FAM131B: variants seen among roughly 807,000 people sequenced by gnomAD.
FAM131B encodes protein FAM131B.
In FAM131B, 19 loss-of-function variants were observed where a neutral mutation model predicts 42.0. The ratio of observed to expected loss-of-function variants is 0.45; its 90% CI spans 0.32 to 0.66. The LOEUF is 0.66. FAM131B is among the 30% of genes least tolerant of loss of function. FAM131B has a pLI of 0.05. For synonymous variants in FAM131B, 183 were observed against 177.6 expected (o/e 1.03, Z -0.24); for missense variants, 370 against 468.4 (o/e 0.79, Z 1.94).
the FAM131B span, among the ~76,000 whole-genome samples, chr7:143,376,262 T>A: frequency 2.0e-5 from 3 of 151,870 alleles, no homozygotes; most frequent in Admixed American, 6.6e-5. Flanking sequence ...GATTAGAAAA[T>A]TTTTTTTTCT....
rs1803619724 is a variant in FAM131B, at chr7:143,355,700, C to T, written c.*850G>A. On this transcript the variant is annotated 3_prime_UTR_variant, in exon 7 of 7. Coordinates refer to ENST00000443739, the MANE Select transcript of FAM131B (RefSeq NM_001031690.3). The surrounding 1 kb of genome is among the most constrained non-coding windows in gnomAD (Gnocchi z 4.1). ...TGGGTGTCCCCACACCCTCCTCAGG[C>T]TCCCGGAGCAGGGATGGAAGAAAGC... 1 of 152,712 alleles carries T rather than the reference C, an allele frequency of 6.5e-6. No individual in the cohort carries two copies. The highest frequency in any genetic ancestry group is 2.4e-5 in the African/African-American group (1 of 41,468). The allele number at this position is 152,712 out of a possible 1,614,324, so 9.5% of individuals were successfully genotyped here. A position where few individuals can be genotyped will look rare whatever the true frequency, so the allele number is the denominator to read the frequency against.
the FAM131B span, chr7:143,380,363 C>A: frequency 1.0e-6 from 1 of 985,126 alleles, no homozygotes; most frequent in East Asian, 1.1e-4. The surrounding 1 kb of genome is among the most constrained non-coding windows in gnomAD (Gnocchi z 5.0). Context: ...TCTCAGAATG[C>A]CCAAGAGCTC....
chr7:143,360,410 G>GT (rs1470908347), intron 1 of FAM131B: 1 of 1,329,976 alleles, frequency 7.5e-7, no homozygotes, highest in East Asian at 3.3e-5. Flanking sequence ...CAGAGGTTGG[G>GT]TTTTATCAGA....
the FAM131B span, among the ~76,000 whole-genome samples, chr7:143,369,364 G>C: frequency 6.6e-6 from 1 of 152,206 alleles, no homozygotes; most frequent in South Asian, 2.1e-4. Context: ...TCAACTTCTT[G>C]CAGATAAAAC....
upstream of FAM131B, among the ~76,000 whole-genome samples, chr7:143,364,753 A>C (rs756634788): frequency 6.6e-6 from 1 of 152,212 alleles, no homozygotes; most frequent in Non-Finnish European, 1.5e-5. Flanking sequence ...GGATTCTGCT[A>C]CTTCTCACTA....
At chr7:143,378,744 T>C in the FAM131B span, among the ~76,000 whole-genome samples, 1 of 152,128 alleles carries the variant, frequency 6.6e-6, no homozygotes, top group East Asian at 1.9e-4. Flanking sequence ...ACCAGGCTAA[T>C]TTTTGTATTT....
Position 143,354,295 on chromosome 7 carries a change from G to A in FAM131B, c.*2255C>T, listed in dbSNP as rs1803558381. The A allele has an allele frequency of 6.6e-6, 1 of 152,216 alleles. No homozygotes were observed. The highest frequency in any genetic ancestry group is 6.5e-5 in the Admixed American group (1 of 15,280). 9.4% of individuals were successfully genotyped at this position (152,216 alleles called of 1,614,324 possible). ...GTCAGGGACCATTTGGCTTCCTTGG[G>A]AAAGGGAAGGAGGAACGAAAGCTGC... is the stretch of plus-strand genomic sequence containing the variant. On this transcript the variant is annotated 3_prime_UTR_variant, in exon 7 of 7. Transcript: ENST00000443739.
chr7:143,380,864 G>A, the FAM131B span: 3 of 829,500 alleles, frequency 3.6e-6, no homozygotes, highest in Non-Finnish European at 4.4e-6. This position sits in a 1 kb window ranked among gnomAD's most constrained non-coding sequence, Gnocchi z 5.0. Context: ...GTGGTGGCAG[G>A]AGGGGACCGG....
At chr7:143,380,301 G>C in the FAM131B span, 2 of 985,002 alleles carry the variant, frequency 2.0e-6, no homozygotes, top group African/African-American at 3.5e-5. This position sits in a 1 kb window ranked among gnomAD's most constrained non-coding sequence, Gnocchi z 5.0. Flanking sequence ...CTGGGGCTGA[G>C]TCGCAGGCTG....
Position 143,362,056 on chromosome 7 carries a change from A to C in FAM131B, c.28+520T>G. The C allele has an allele frequency of 1.0e-6, 1 of 984,984 alleles. No homozygotes were observed. The highest frequency in any genetic ancestry group is 4.7e-5 in the South Asian group (1 of 21,286). 61.0% of individuals were successfully genotyped at this position (984,984 alleles called of 1,614,324 possible). ...CGGAGGAGGCAGGAACGACAGTAAA[A>C]GGCAACGGAGAGGGAGAGAGAGATG... On this transcript the variant is annotated intron_variant, in intron 1 of 6. Coordinates refer to ENST00000443739, the MANE Select transcript of FAM131B (RefSeq NM_001031690.3). This position sits in a 1 kb window ranked among gnomAD's most constrained non-coding sequence, Gnocchi z 7.7.
At chr7:143,366,795 C>G (rs576631083), upstream of FAM131B, among the ~76,000 whole-genome samples, 6 of 152,218 alleles carry the variant, frequency 3.9e-5, no homozygotes, top group African/African-American at 1.2e-4. Flanking sequence ...TGACCTCAGG[C>G]GATCTGCCCG....
At chr7:143,366,818 A>G (rs547496054), upstream of FAM131B, among the ~76,000 whole-genome samples, 2 of 152,276 alleles carry the variant, frequency 1.3e-5, no homozygotes, top group African/African-American at 4.8e-5. Context: ...TTGGCCTCCC[A>G]AAGTACTGGG....
the FAM131B span, among the ~76,000 whole-genome samples, chr7:143,367,842 C>G: frequency 6.6e-6 from 1 of 152,214 alleles, no homozygotes; most frequent in Non-Finnish European, 1.5e-5. Flanking sequence ...AAATCACGTT[C>G]TGTAGGATTC....
At chr7:143,381,433 C>T in the FAM131B span, 11 of 1,265,928 alleles carry the variant, frequency 8.7e-6, no homozygotes, top group African/African-American at 1.6e-5. Flanking sequence ...AGCGGCAGGG[C>T]GGCCCCACGG....
chr7:143,381,347 A>G, the FAM131B span: 1 of 1,145,434 alleles, frequency 8.7e-7, no homozygotes, highest in Non-Finnish European at 1.1e-6. Flanking sequence ...ACCGGGACGC[A>G]GAGTCTGCGG....
rs375834606 is a variant in FAM131B at position 143,362,399 on chromosome 7, A to G, written c.28+177T>C. 1.3e-5 allele frequency among the ~76,000 whole-genome samples: 2 copies of G among 151,610 alleles called. No individual in the cohort carries two copies. Among genetic ancestry groups the G allele is most frequent in the East Asian group, 3.9e-4 (2 of 5,084 alleles). ...GGCAGCCCCGGAGGCGCAAGACGAGAGCGGGCAGGAAGGAGGGACAGAGGG... is the reference window on the plus strand; with the variant it reads ...GGCAGCCCCGGAGGCGCAAGACGAGGGCGGGCAGGAAGGAGGGACAGAGGG... On this transcript the variant is annotated intron_variant, in intron 1 of 6. Coordinates refer to ENST00000443739, the MANE Select transcript of FAM131B (RefSeq NM_001031690.3). This position sits in a 1 kb window ranked among gnomAD's most constrained non-coding sequence, Gnocchi z 7.7.
chr7:143,379,893 G>A, the FAM131B span: 1 of 212,676 alleles, frequency 4.7e-6, no homozygotes, highest in Non-Finnish European at 8.1e-6. Context: ...AACCAGATCT[G>A]ACACCAGTTT....
chr7:143,381,454 C>T, the FAM131B span: 1 of 1,296,574 alleles, frequency 7.7e-7, no homozygotes, highest in Non-Finnish European at 9.8e-7. Flanking sequence ...GGAGGGGGCG[C>T]GGGGCGCCGG....
the FAM131B span, chr7:143,379,643 T>A: frequency 2.6e-5 from 4 of 152,246 alleles, no homozygotes; most frequent in African/African-American, 9.6e-5. Flanking sequence ...AGAATTTTCA[T>A]TCTGGGCAGA....
Sources: allele counts gnomAD v4.1 joint callset (sites outside exome capture counted in the v4.1 genomes callset), GRCh38; gene constraint gnomAD v4.1.1; non-coding constraint Gnocchi (gnomAD v3.1); transcripts MANE v1.5; gene names NCBI Gene and HGNC (gene_info 2026-07-23, HGNC 2026-07-21).